ANTXR2: variants seen among roughly 807,000 people sequenced by gnomAD.
The protein encoded by ANTXR2 is ANTXR cell adhesion molecule 2.
A neutral mutation model predicts 73.7 loss-of-function variants in ANTXR2; 44 were observed. The observed-to-expected ratio is 0.60, with a 90% confidence interval of 0.47 to 0.77. The LOEUF is 0.77. ANTXR2 is among the 30% of genes least tolerant of loss of function. The pLI is 0.00. For missense variants in ANTXR2, 604 were observed against 592.5 expected (o/e 1.02, Z -0.20); for synonymous variants, 217 against 205.9 (o/e 1.05, Z -0.46).
chr4:79,925,606 C>T (rs1016495966), intron 16 of ANTXR2, among the ~76,000 whole-genome samples: 15 of 152,136 alleles, frequency 9.9e-5, no homozygotes, highest in African/African-American at 3.1e-4. Flanking sequence ...TGACATTGTT[C>T]AGGTTCTGCA....
At chr4:80,062,411 A>G (rs1368669757) in intron 3 of ANTXR2, among the ~76,000 whole-genome samples, 2 of 152,176 alleles carry the variant, frequency 1.3e-5, no homozygotes, top group African/African-American at 4.8e-5. Flanking sequence ...TCCGTGTGCC[A>G]GGTCTGTCTC....
intron 10 of ANTXR2, 42 bp downstream of exon 10, chr4:80,031,581 T>C: frequency 7.5e-7 from 1 of 1,332,598 alleles, no homozygotes; most frequent in Non-Finnish European, 1.0e-6. Context: ...TAATAATTTT[T>C]TACTAAAAAT....
At chr4:80,034,640 A>G (rs1471261628) in intron 8 of ANTXR2, among the ~76,000 whole-genome samples, 1 of 152,176 alleles carries the variant, frequency 6.6e-6, no homozygotes, top group Admixed American at 6.6e-5. Context: ...GTAGGCATTG[A>G]CAATAAATAG....
intron 16 of ANTXR2, among the ~76,000 whole-genome samples, chr4:79,930,337 C>G (rs1273177285): frequency 6.6e-6 from 1 of 152,072 alleles, no homozygotes; most frequent in African/African-American, 2.4e-5. Flanking sequence ...GAACTCTGAT[C>G]CCTAAAACCT....
At chr4:80,004,390 T>A (rs1731203554) in intron 12 of ANTXR2, among the ~76,000 whole-genome samples, 1 of 151,578 alleles carries the variant, frequency 6.6e-6, no homozygotes, top group Non-Finnish European at 1.5e-5. Context: ...ACTTAGTGTC[T>A]TAAAACCACA....
intron 12 of ANTXR2, among the ~76,000 whole-genome samples, chr4:79,990,383 C>CAA (rs70944757): frequency 0.013 from 997 of 76,912 alleles, 94 homozygotes; most frequent in East Asian, 0.11. Context: ...ACAACAGTTA[C>CAA]AAAAAAAAAA....
rs112263072 is a variant in ANTXR2 at position 79,947,102 on chromosome 4, C to G, written c.1428+30519G>C. ...GTCCTTACTTCTCAGTCAGACGAAG[C>G]TGTTTTAAGGGCATTAAGATAAGCT... On this transcript the variant is annotated intron_variant, in intron 16 of 16. Coordinates refer to ENST00000403729, the MANE Select transcript of ANTXR2 (RefSeq NM_058172.6). Among the ~76,000 whole-genome samples the G allele has an allele frequency of 5.9e-3, 905 of 152,194 alleles. 16 individuals carry two copies. Among genetic ancestry groups the G allele is most frequent in the African/African-American group, 0.021 (861 of 41,528 alleles).
chr4:79,946,421 C>A (rs1354060614), intron 16 of ANTXR2, among the ~76,000 whole-genome samples: 1 of 152,164 alleles, frequency 6.6e-6, no homozygotes, highest in Admixed American at 6.6e-5. Flanking sequence ...TAACAGAGGT[C>A]TCAGCCAATC....
rs72855820 is a variant in ANTXR2, at chr4:80,024,334, G to A, written c.867-5358C>T. Among the ~76,000 whole-genome samples, 1,263 of 152,284 alleles carry A rather than the reference G, an allele frequency of 8.3e-3. 13 individuals are homozygous for A. The highest frequency in any genetic ancestry group is 0.029 in the African/African-American group (1,194 of 41,548). On this transcript the variant is annotated intron_variant, in intron 10 of 16. Coordinates refer to ENST00000403729, the MANE Select transcript of ANTXR2 (RefSeq NM_058172.6). ...AATCCAAGTGACTTTGTAGACATTT[G>A]GATAGGAGGCATTTGGACAGCAGAC...
intron 12 of ANTXR2, among the ~76,000 whole-genome samples, chr4:79,991,165 A>G (rs1010751626): frequency 6.6e-6 from 1 of 152,170 alleles, no homozygotes; most frequent in Admixed American, 6.6e-5. Context: ...TAAACAGATA[A>G]TCTACAGAAT....
At chr4:80,061,033 G>A (rs188184284) in intron 3 of ANTXR2, among the ~76,000 whole-genome samples, 35 of 152,256 alleles carry the variant, frequency 2.3e-4, no homozygotes, top group Non-Finnish European at 5.9e-5. Context: ...CTGTTAACCA[G>A]AGTCTCGATT....
At chr4:80,025,728 A>T (rs1578166385) in intron 10 of ANTXR2, among the ~76,000 whole-genome samples, 1 of 152,316 alleles carries the variant, frequency 6.6e-6, no homozygotes, top group East Asian at 1.9e-4. Context: ...ACTTCTAGTA[A>T]TTAGTTTATA....
chr4:80,069,381 T>C (rs1734674461), intron 3 of ANTXR2, 55 bp downstream of exon 3: 1 of 1,363,754 alleles, frequency 7.3e-7, no homozygotes, highest in Non-Finnish European at 1.0e-6. Context: ...ATATCAATCA[T>C]GCCTTTAAAA....
At chr4:79,978,668 T>G (rs1204606858) in intron 14 of ANTXR2, among the ~76,000 whole-genome samples, 1 of 152,234 alleles carries the variant, frequency 6.6e-6, no homozygotes, top group Non-Finnish European at 1.5e-5. Flanking sequence ...CTCTATTTTC[T>G]TCTTTCCAGA....
intron 11 of ANTXR2, among the ~76,000 whole-genome samples, chr4:80,009,904 A>G (rs1365877996): frequency 1.3e-5 from 2 of 151,744 alleles, no homozygotes; most frequent in Admixed American, 1.3e-4. Flanking sequence ...AATGAACTCT[A>G]AAGAAAAAAA....
At chr4:79,993,762 A>ACG (rs1730595816) in intron 12 of ANTXR2, among the ~76,000 whole-genome samples, 3 of 66,670 alleles carry the variant, frequency 4.5e-5, no homozygotes, top group Admixed American at 4.0e-4. Flanking sequence ...ACACACACGC[A>ACG]CACACACACA....
rs150586620 is a variant in ANTXR2 at position 79,974,388 on chromosome 4, C to T, written c.1428+3233G>A. Among the ~76,000 whole-genome samples the T allele has an allele frequency of 1.8e-3, 278 of 152,078 alleles. 1 individual carries two copies. The highest frequency in any genetic ancestry group is 6.5e-3 in the African/African-American group (269 of 41,486). On this transcript the variant is annotated intron_variant, in intron 16 of 16. Coordinates refer to ENST00000403729, the MANE Select transcript of ANTXR2 (RefSeq NM_058172.6). ...CTGATGTTTACTAAGCCTGAAGTCCCGCACTTAAGTAAAAACAAATTTTAA... is the reference window on the plus strand; with the variant it reads ...CTGATGTTTACTAAGCCTGAAGTCCTGCACTTAAGTAAAAACAAATTTTAA...
intron 12 of ANTXR2, among the ~76,000 whole-genome samples, chr4:79,996,354 GATGA>G (rs1398250688): frequency 1.2e-3 from 189 of 151,476 alleles, no homozygotes; most frequent in African/African-American, 4.2e-3. Flanking sequence ...TGGATGGATG[GATGA>G]ATGAATGAAT....
chr4:80,025,439 T>G (rs148419461), intron 10 of ANTXR2, among the ~76,000 whole-genome samples: 1 of 152,178 alleles, frequency 6.6e-6, no homozygotes, highest in Admixed American at 6.6e-5. Context: ...CAATAAAAGA[T>G]TGTCATTTTA....
Sources: gnomAD v4.1 joint callset for allele counts (sites outside exome capture counted in the v4.1 genomes callset) on GRCh38, gnomAD v4.1.1 for gene constraint, MANE v1.5 for transcripts, NCBI Gene and HGNC (gene_info 2026-07-23, HGNC 2026-07-21) for gene names.